SLC12A6: variants seen among roughly 807,000 people sequenced by gnomAD.
SLC12A6 encodes the protein K-Cl cotransporter 3.
SLC12A6 carries 66 observed loss-of-function variants against 135.3 expected under a neutral mutation model. That is an observed-to-expected ratio of 0.49 (90% CI 0.40 to 0.60). SLC12A6 has a LOEUF of 0.60. Among genes scored for constraint, SLC12A6 ranks in the 20% least tolerant of loss-of-function variants. SLC12A6 has a pLI of 0.00. For synonymous variants in SLC12A6, 513 were observed against 508.8 expected, an observed-to-expected ratio of 1.01 and a Z score of -0.11; for missense variants, 1,058 against 1,452.3, an observed-to-expected ratio of 0.73 and a Z score of 4.41.
intron 13 of SLC12A6, among the ~76,000 whole-genome samples, chr15:34,249,323 G>T (rs1892223186): frequency 6.6e-6 from 1 of 152,242 alleles, no homozygotes; most frequent in Admixed American, 6.5e-5. Context: ...ACTTTGAGAG[G>T]CTAAGGTGGG....
At chr15:34,310,600 T>G (rs1446203773) in intron 2 of SLC12A6, among the ~76,000 whole-genome samples, 3 of 72,216 alleles carry the variant, frequency 4.2e-5, no homozygotes, top group East Asian at 4.3e-4. Flanking sequence ...TGTCCCCGTG[T>G]CCAGGCTGGT....
At chr15:34,301,385 A>C (rs565786974) in intron 2 of SLC12A6, among the ~76,000 whole-genome samples, 3 of 152,366 alleles carry the variant, frequency 2.0e-5, no homozygotes, top group African/African-American at 4.8e-5. Flanking sequence ...AGAGCTGAAG[A>C]CAGAAGGATG....
At chr15:34,278,224 C>T (rs183120546) in intron 2 of SLC12A6, among the ~76,000 whole-genome samples, 21 of 152,098 alleles carry the variant, frequency 1.4e-4, no homozygotes, top group African/African-American at 4.1e-4. Context: ...GTCAGGAGTT[C>T]GAGACCAGCC....
intron 2 of SLC12A6, among the ~76,000 whole-genome samples, chr15:34,331,314 T>C (rs1419599444): frequency 6.6e-6 from 1 of 152,190 alleles, no homozygotes; most frequent in Non-Finnish European, 1.5e-5. Context: ...TAAGTTTTCA[T>C]ATTTTTAGTA....
chr15:34,257,382 G>A (rs1453690418), intron 6 of SLC12A6, among the ~76,000 whole-genome samples: 3 of 152,214 alleles, frequency 2.0e-5, no homozygotes, highest in Non-Finnish European at 4.4e-5. Context: ...ATTCTCTGAA[G>A]ACAGGAACTT....
Position 34,336,659 on chromosome 15 carries a change from T to C in SLC12A6, c.22A>G (p.Thr8Ala), listed in dbSNP as rs769240864. The C allele has an allele frequency of 1.2e-6, 2 of 1,614,120 alleles. No homozygotes were observed. The highest frequency in any genetic ancestry group is 2.2e-5 in the South Asian group (2 of 91,084). Residue 8 changes from threonine (T) to alanine (A), a missense_variant, in exon 2 of 26, where the codon ACC (threonine) becomes GCC (alanine). Around this residue, in one of 6 missense-constraint regions of SLC12A6, gnomAD observed 176 missense variants for 168.9 expected, o/e 1.04. Coordinates refer to ENST00000354181, the MANE Select transcript of SLC12A6 (RefSeq NM_001365088.1). The stretch of plus-strand genomic sequence containing the variant: ...ATGAACCGAACTGAAGCCATCTTGG[T>C]GGTGGTTTCTGGAGGATGCATTTTG... MHPPETT[T>A]KMASVRFMVT... is the part of the protein sequence containing the mutation.
chr15:34,323,338 G>C (rs1394804162), intron 2 of SLC12A6, among the ~76,000 whole-genome samples: 1 of 152,164 alleles, frequency 6.6e-6, no homozygotes, highest in Non-Finnish European at 1.5e-5. Flanking sequence ...CTGGGCCATG[G>C]ACTGGTACTG....
At chr15:34,308,282 G>C (rs559907241) in intron 2 of SLC12A6, among the ~76,000 whole-genome samples, 13 of 152,042 alleles carry the variant, frequency 8.6e-5, no homozygotes, top group East Asian at 1.9e-4. Context: ...CTATCTCGCT[G>C]ATAATTGCAT....
chr15:34,304,506 TAGC>T (rs1896467975), intron 2 of SLC12A6, among the ~76,000 whole-genome samples: 1 of 152,378 alleles, frequency 6.6e-6, no homozygotes. Flanking sequence ...TTGTCACTAG[TAGC>T]AGATGAGAGT....
At chr15:34,312,449 C>G (rs1888323482) in intron 2 of SLC12A6, among the ~76,000 whole-genome samples, 1 of 152,112 alleles carries the variant, frequency 6.6e-6, no homozygotes, top group Non-Finnish European at 1.5e-5. Flanking sequence ...TGACGAAGTC[C>G]TCAAGGAGTT....
At chr15:34,330,526 G>T (rs572475701) in intron 2 of SLC12A6, among the ~76,000 whole-genome samples, 38 of 152,012 alleles carry the variant, frequency 2.5e-4, no homozygotes, top group Non-Finnish European at 4.7e-4. Flanking sequence ...AAAATTAGCT[G>T]GTCATAGTGG....
chr15:34,293,788 G>A (rs1464133204), intron 2 of SLC12A6, among the ~76,000 whole-genome samples: 3 of 152,124 alleles, frequency 2.0e-5, no homozygotes, highest in Non-Finnish European at 4.4e-5. Flanking sequence ...TTTTTTTGTA[G>A]AGACAAGGTC....
At chr15:34,254,663 T>C in intron 8 of SLC12A6, 74 bp from the exon 9 acceptor site, 1 of 1,179,584 alleles carries the variant, frequency 8.5e-7, no homozygotes, top group Non-Finnish European at 1.3e-6. Context: ...TTCGTTTGCA[T>C]TTACTTTCAC....
chr15:34,291,584 CTT>C (rs1895532467), intron 2 of SLC12A6, among the ~76,000 whole-genome samples: 1 of 152,176 alleles, frequency 6.6e-6, no homozygotes, highest in South Asian at 2.1e-4. Context: ...TGTTTTCTAA[CTT>C]GGTTTCATTC....
Position 34,236,387 on chromosome 15 carries a change from G to A in SLC12A6, c.3043-188C>T, listed in dbSNP as rs73388027. Among the ~76,000 whole-genome samples, 18 of 151,546 alleles carry A rather than the reference G, an allele frequency of 1.2e-4. No individual in the cohort carries two copies. In the South Asian group the frequency reaches 3.1e-3, roughly 26 times the overall value. On this transcript the variant is annotated intron_variant, in intron 23 of 25. Coordinates refer to ENST00000354181, the MANE Select transcript of SLC12A6 (RefSeq NM_001365088.1). ...TTGAGACAGAGTCTTCCTCTGTCAC[G>A]CAGGCTGGAGTGCAGTGGCGTGATC...
At position 34,336,495 on chromosome 15, in the gene SLC12A6, C is replaced by T. The variant is rs530537247; in HGVS notation, c.186G>A (p.Glu62=). 61 of 1,613,744 alleles carry T rather than the reference C, an allele frequency of 3.8e-5. No individual in the cohort carries two copies. Among genetic ancestry groups the T allele is most frequent in the Non-Finnish European group, 5.1e-5 (60 of 1,179,768 alleles). Residue 62 remains glutamate, a synonymous_variant, in exon 2 of 26, where the codon GAG becomes GAA. Coordinates refer to ENST00000354181, the MANE Select transcript of SLC12A6 (RefSeq NM_001365088.1). ...CCAGCGAAGTGGTGGCCCCAGACAT[C>T]TCACTCATAGGCTCACTCCGGCTTG... The part of the protein sequence containing the change: ...PETSRSEPMS[E]MSGATTSLAT...
rs182180865 is a variant in SLC12A6 at position 34,302,709 on chromosome 15, C to T, written c.272-27320G>A. On this transcript the variant is annotated intron_variant, in intron 2 of 25. Coordinates refer to ENST00000354181, the MANE Select transcript of SLC12A6 (RefSeq NM_001365088.1). ...CTCATGCCTATAATCTTGGCACTTC[C>T]GGAGGTGGAGGTGGGATGATTGCTT... Among the ~76,000 whole-genome samples, 167 of 151,514 alleles carry T rather than the reference C, an allele frequency of 1.1e-3. 1 individual carries two copies. Among genetic ancestry groups the T allele is most frequent in the Middle Eastern group, 3.4e-3 (1 of 294 alleles).
intron 2 of SLC12A6, among the ~76,000 whole-genome samples, chr15:34,321,892 T>C (rs551310931): frequency 6.6e-6 from 1 of 152,212 alleles, no homozygotes; most frequent in African/African-American, 2.4e-5. Flanking sequence ...TCCACTTTTA[T>C]AAGGTTTTAG....
At chr15:34,298,565 T>C (rs1221650075) in intron 2 of SLC12A6, among the ~76,000 whole-genome samples, 1 of 151,992 alleles carries the variant, frequency 6.6e-6, no homozygotes. Flanking sequence ...TCTTGAAGGA[T>C]GATTAGTTCA....
Sources: allele counts gnomAD v4.1 joint callset (sites outside exome capture counted in the v4.1 genomes callset), GRCh38; gene constraint gnomAD v4.1.1; regional missense constraint gnomAD v4.1.1; transcripts MANE v1.5; gene names NCBI Gene and HGNC (gene_info 2026-07-23, HGNC 2026-07-21).